Variants in TNRC6A observed in about 807,000 individuals in gnomAD.
TNRC6A encodes trinucleotide repeat containing adaptor 6A.
In TNRC6A, 44 loss-of-function variants were observed where a neutral mutation model predicts 221.2. That is an observed-to-expected ratio of 0.20 (90% CI 0.16 to 0.26). The LOEUF is 0.26. TNRC6A is among the 10% of genes least tolerant of loss of function. TNRC6A has a pLI of 1.00. For synonymous variants in TNRC6A, 847 were observed against 838.5 expected (o/e 1.01, Z -0.18); for missense variants, 2,199 against 2,404.4 (o/e 0.91, Z 1.79).
intron 5 of TNRC6A, among the ~76,000 whole-genome samples, chr16:24,781,827 CTT>C (rs532953420): frequency 1.2e-4 from 17 of 144,956 alleles, no homozygotes; most frequent in Admixed American, 2.1e-4. Flanking sequence ...GATTTTAACT[CTT>C]TTTTTTTTTT....
intron 3 of TNRC6A, among the ~76,000 whole-genome samples, chr16:24,753,977 CT>C (rs1175280117): frequency 2.6e-5 from 4 of 152,140 alleles, no homozygotes; most frequent in African/African-American, 9.7e-5. Flanking sequence ...TGTGCCATGA[CT>C]TTATCCTTTT....
At chr16:24,765,979 A>G (rs1385114019) in intron 4 of TNRC6A, among the ~76,000 whole-genome samples, 2 of 152,218 alleles carry the variant, frequency 1.3e-5, no homozygotes, top group Admixed American at 6.5e-5. Flanking sequence ...ATACTAATAC[A>G]TTTATTAAAT....
At chr16:24,670,145 T>A (rs186372868) in intron 2 of TNRC6A, among the ~76,000 whole-genome samples, 1 of 151,934 alleles carries the variant, frequency 6.6e-6, no homozygotes, top group East Asian at 1.9e-4. Context: ...GGACGGGGTT[T>A]CACCGTGTTG....
chr16:24,632,131 G>C (rs1567311632), intron 1 of TNRC6A, among the ~76,000 whole-genome samples: 1 of 152,144 alleles, frequency 6.6e-6, no homozygotes, highest in East Asian at 1.9e-4. Flanking sequence ...GATTACAGGT[G>C]TGAGCCACCA....
intron 2 of TNRC6A, among the ~76,000 whole-genome samples, chr16:24,645,820 A>AGAC (rs1317876647): frequency 7.6e-6 from 1 of 132,118 alleles, no homozygotes; most frequent in Non-Finnish European, 1.6e-5. Context: ...AAACATGACA[A>AGAC]GACCCTGTAT....
intron 2 of TNRC6A, among the ~76,000 whole-genome samples, chr16:24,669,448 C>T (rs1415404342): frequency 6.6e-6 from 1 of 151,474 alleles, no homozygotes; most frequent in Non-Finnish European, 1.5e-5. Flanking sequence ...CAGATTGCAA[C>T]ACTGCACTCC....
At position 24,729,774 on chromosome 16, in the gene TNRC6A, C is replaced by T. The variant is rs2056576536; in HGVS notation, c.-68C>T. 7 of 1,380,962 alleles carry T rather than the reference C, an allele frequency of 5.1e-6. No individual in the cohort carries two copies. Among genetic ancestry groups the T allele is most frequent in the Non-Finnish European group, 6.6e-6 (7 of 1,063,420 alleles). The allele number at this position is 1,380,962 out of a possible 1,614,324, so 85.5% of individuals were successfully genotyped here. ...CAGCGGCTCGGGCCTCTCCCCGCGG[C>T]GCTGCGGAGGGCTTGAGGCTCGCGA... On this transcript the variant is annotated 5_prime_UTR_variant, in exon 1 of 25. Transcript: ENST00000395799.
intron 2 of TNRC6A, among the ~76,000 whole-genome samples, chr16:24,737,945 A>T (rs2056807373): frequency 6.6e-6 from 1 of 152,224 alleles, no homozygotes; most frequent in Admixed American, 6.5e-5. Context: ...TGTATAACTG[A>T]TGTAAGAGAA....
In TNRC6A at chr16:24,795,633, TC is replaced by T. The variant is rs2058202715; in HGVS notation, c.3529-273del. ...ATTCTAAGTCTAGGACCTGCCATTTTCATTTTTAAAATTTTTCATTTGGCTG... is the reference window on the plus strand; with the variant it reads ...ATTCTAAGTCTAGGACCTGCCATTTTATTTTTAAAATTTTTCATTTGGCTG... On this transcript the variant is annotated intron_variant, in intron 8 of 24. Coordinates refer to ENST00000395799, the MANE Select transcript of TNRC6A (RefSeq NM_014494.4). The T allele has an allele frequency of 7.9e-6, 3 of 380,602 alleles. No homozygotes were observed. The Admixed American group carries it at 1.3e-4, about 17-fold the overall frequency. 23.6% of individuals were successfully genotyped at this position (380,602 alleles called of 1,614,324 possible).
At chr16:24,689,989 T>TAAAAAAAAAA (rs60944175) in intron 2 of TNRC6A, among the ~76,000 whole-genome samples, 10 of 97,478 alleles carry the variant, frequency 1.0e-4, no homozygotes, top group South Asian at 3.8e-4. Context: ...AGGCTTAAAG[T>TAAAAAAAAAA]AAAAAAAAAA....
At chr16:24,741,320 G>A (rs200534) in intron 2 of TNRC6A, among the ~76,000 whole-genome samples, 112,720 of 152,060 alleles carry the variant, frequency 0.74, 41,956 homozygotes, top group East Asian at 0.89. Context: ...TTTTATTCCT[G>A]TTTTGAGTGT....
intron 1 of TNRC6A, among the ~76,000 whole-genome samples, chr16:24,631,386 G>A (rs1177115128): frequency 7.2e-5 from 11 of 152,040 alleles, no homozygotes; most frequent in Admixed American, 2.6e-4. Context: ...TTCTTCTCTC[G>A]AGTTCCAGGA....
chr16:24,818,695 C>A lies in TNRC6A; in HGVS notation c.5075C>A (p.Thr1692Asn), dbSNP rs2058704479. 1.9e-6 allele frequency: 3 copies of A among 1,613,894 alleles called. No homozygotes were observed. In the East Asian group the frequency reaches 6.7e-5, roughly 36 times the overall value. ...NVPLSSTAQS[T>N]SARNSDSKLT... Reference sequence around the variant, plus strand: ...CCCCTCAGCAGTACAGCACAAAGCACTTCAGGTGGGCCTCGCCTTCGCTCA... The same window carrying A: ...CCCCTCAGCAGTACAGCACAAAGCAATTCAGGTGGGCCTCGCCTTCGCTCA... The change falls in exon 21 of 25, where the codon ACT becomes AAT. Residue 1692 changes from threonine to asparagine, a missense_variant. Coordinates refer to ENST00000395799, the MANE Select transcript of TNRC6A (RefSeq NM_014494.4).
At chr16:24,741,381 T>G (rs1446749667) in intron 2 of TNRC6A, among the ~76,000 whole-genome samples, 1 of 152,224 alleles carries the variant, frequency 6.6e-6, no homozygotes, top group Non-Finnish European at 1.5e-5. Context: ...TTTCTGTGTC[T>G]CTTGAAATCA....
chr16:24,615,403 C>T (rs1225118955), intron 1 of TNRC6A, among the ~76,000 whole-genome samples: 1 of 152,080 alleles, frequency 6.6e-6, no homozygotes, highest in Non-Finnish European at 1.5e-5. Flanking sequence ...GAGGTTTAGA[C>T]TTCATATGTA....
At chr16:24,707,005 T>G (rs904196120) in intron 2 of TNRC6A, among the ~76,000 whole-genome samples, 2 of 145,696 alleles carry the variant, frequency 1.4e-5, no homozygotes, top group Non-Finnish European at 3.1e-5. Flanking sequence ...ATTTATTTAT[T>G]TATTTATTTT....
chr16:24,737,998 G>T (rs12598931), intron 2 of TNRC6A, among the ~76,000 whole-genome samples: 8,972 of 152,248 alleles, frequency 0.059, 731 homozygotes, highest in East Asian at 0.36. Flanking sequence ...TCTTTGCAAT[G>T]TGAGGCATAT....
chr16:24,653,462 T>C (rs2141858033), intron 2 of TNRC6A, among the ~76,000 whole-genome samples: 1 of 151,706 alleles, frequency 6.6e-6, no homozygotes. Flanking sequence ...AATAGAAGAG[T>C]AATACTAATT....
At chr16:24,640,493 TGAGGC>T (rs2045804069) in intron 1 of TNRC6A, among the ~76,000 whole-genome samples, 1 of 151,608 alleles carries the variant, frequency 6.6e-6, no homozygotes, top group South Asian at 2.1e-4. Flanking sequence ...TTTGGGAAGC[TGAGGC>T]GGGTGGATTG....
Sources: gnomAD v4.1 joint callset for allele counts (sites outside exome capture counted in the v4.1 genomes callset) on GRCh38, gnomAD v4.1.1 for gene constraint, MANE v1.5 for transcripts, NCBI Gene and HGNC (gene_info 2026-07-23, HGNC 2026-07-21) for gene names.